MYRIP: variants seen among roughly 807,000 people sequenced by gnomAD.
MYRIP encodes the protein myosin VIIA and Rab interacting protein, also known as rab effector MyRIP.
MYRIP carries 49 observed loss-of-function variants against 98.0 expected under a neutral mutation model. The ratio of observed to expected loss-of-function variants is 0.50; its 90% CI spans 0.40 to 0.63. The LOEUF (loss-of-function observed/expected upper bound fraction) is 0.63. Among genes scored for constraint, MYRIP ranks in the 30% least tolerant of loss-of-function variants. The pLI is 0.00. For missense variants in MYRIP, 1,004 were observed against 1,058.2 expected, an observed-to-expected ratio of 0.95 and a Z score of 0.71; for synonymous variants, 404 against 409.5, an observed-to-expected ratio of 0.99 and a Z score of 0.16.
chr3:40,255,657 AGTT>A (rs982884711), intron 16 of MYRIP, among the ~76,000 whole-genome samples: 20 of 152,190 alleles, frequency 1.3e-4, no homozygotes, highest in Non-Finnish European at 4.4e-5. Context: ...AAAATAAAGT[AGTT>A]AAGTCATGAG....
intron 11 of MYRIP, among the ~76,000 whole-genome samples, chr3:40,214,907 G>A (rs2125674347): frequency 6.6e-6 from 1 of 152,304 alleles, no homozygotes; most frequent in East Asian, 1.9e-4. Flanking sequence ...CAGGGGCCAA[G>A]TCTCCCCAAA....
intron 9 of MYRIP, among the ~76,000 whole-genome samples, chr3:40,189,329 C>T (rs1022011133): frequency 1.5e-4 from 23 of 152,272 alleles, no homozygotes; most frequent in Admixed American, 7.8e-4. Context: ...GAGCCTATTA[C>T]GAAGTAGGAT....
intron 3 of MYRIP, among the ~76,000 whole-genome samples, chr3:40,135,081 C>T (rs919463061): frequency 1.3e-5 from 2 of 152,126 alleles, no homozygotes; most frequent in Admixed American, 6.5e-5. Context: ...GATCAAACTA[C>T]TCTGAGCTAC....
intron 7 of MYRIP, among the ~76,000 whole-genome samples, chr3:40,168,679 C>T (rs997696646): frequency 6.6e-6 from 1 of 152,242 alleles, no homozygotes. Context: ...ACATCAGCTG[C>T]CTGTGGCCAT....
chr3:39,821,931 C>A (rs1212553958), intron 1 of MYRIP, among the ~76,000 whole-genome samples: 1 of 152,010 alleles, frequency 6.6e-6, no homozygotes, highest in Non-Finnish European at 1.5e-5. Flanking sequence ...ATTAGCTGAA[C>A]TTAGTTAATT....
At chr3:40,058,891 G>A (rs961405829) in intron 3 of MYRIP, among the ~76,000 whole-genome samples, 2 of 151,944 alleles carry the variant, frequency 1.3e-5, no homozygotes, top group East Asian at 1.9e-4. Flanking sequence ...CCATCAACCC[G>A]TCATCTACAT....
chr3:40,114,678 T>C (rs1369550423), intron 3 of MYRIP, among the ~76,000 whole-genome samples: 3 of 152,172 alleles, frequency 2.0e-5, no homozygotes, highest in Non-Finnish European at 4.4e-5. Context: ...AATAAGTAAA[T>C]GCAAATTAAC....
At chr3:39,923,194 G>A (rs1379798549) in intron 2 of MYRIP, among the ~76,000 whole-genome samples, 2 of 152,004 alleles carry the variant, frequency 1.3e-5, no homozygotes. Flanking sequence ...AGAGCCTCAG[G>A]AAGCTATGGG....
intron 16 of MYRIP, among the ~76,000 whole-genome samples, chr3:40,254,099 G>T (rs768461284): frequency 5.3e-5 from 8 of 152,166 alleles, no homozygotes; most frequent in Non-Finnish European, 1.2e-4. Context: ...ATACAGAAAG[G>T]ACTGTTGGCT....
chr3:40,168,582 C>T (rs1046537165), intron 7 of MYRIP, among the ~76,000 whole-genome samples: 1 of 152,202 alleles, frequency 6.6e-6, no homozygotes, highest in African/African-American at 2.4e-5. Flanking sequence ...TTATTTATTG[C>T]TCACACATCT....
chr3:40,236,143 T>C (rs1482472790), intron 12 of MYRIP, among the ~76,000 whole-genome samples: 1 of 152,222 alleles, frequency 6.6e-6, no homozygotes, highest in Non-Finnish European at 1.5e-5. Flanking sequence ...GTTTCTATGT[T>C]TAGATACACA....
chr3:39,987,875 G>T (rs1418031262), intron 2 of MYRIP, among the ~76,000 whole-genome samples: 2 of 152,096 alleles, frequency 1.3e-5, no homozygotes, highest in African/African-American at 4.8e-5. Flanking sequence ...GTTTATTGTG[G>T]CACTATTCAC....
chr3:39,816,609 G>A (rs1210989737), intron 1 of MYRIP, among the ~76,000 whole-genome samples: 3 of 152,178 alleles, frequency 2.0e-5, no homozygotes, highest in Admixed American at 1.3e-4. Flanking sequence ...TTATCAAAGA[G>A]CGTTGATTTG....
intron 3 of MYRIP, among the ~76,000 whole-genome samples, chr3:40,103,746 C>A (rs1352973505): frequency 2.0e-5 from 3 of 150,978 alleles, no homozygotes; most frequent in Admixed American, 1.3e-4. Context: ...GCAACAAGAG[C>A]AAAACTCTGT....
rs142450900 is a variant in MYRIP, at chr3:40,209,992, G to A, written c.1804G>A (p.Gly602Arg). The A allele has an allele frequency of 3.8e-4, 621 of 1,613,966 alleles. 2 individuals carry two copies. The highest frequency in any genetic ancestry group is 4.9e-4 in the Non-Finnish European group (582 of 1,179,972). Residue 602 changes from glycine (G) to arginine (R), a missense_variant, in exon 11 of 17, where the codon GGG (glycine) becomes AGG (arginine). By Grantham distance (125) the Gly-to-Arg change is moderately radical. Coordinates refer to ENST00000302541, the MANE Select transcript of MYRIP (RefSeq NM_015460.4). The stretch of plus-strand genomic sequence containing the variant: ...AATGAGTGAAAAGGAGACTTCTTCA[G>A]GGGAGGATCAGGAGTCTGAGCCCAA... Reference protein sequence around the residue: ...MKMSEKETSSGEDQESEPKTE... With the variant: ...MKMSEKETSSREDQESEPKTE...
chr3:40,187,882 G>A (rs959887774), intron 9 of MYRIP, among the ~76,000 whole-genome samples: 14 of 152,232 alleles, frequency 9.2e-5, no homozygotes, highest in African/African-American at 3.4e-4. Context: ...ATTCCCACCA[G>A]TGGGATGAGG....
At chr3:39,852,088 C>T (rs562141374) in intron 1 of MYRIP, among the ~76,000 whole-genome samples, 25 of 152,126 alleles carry the variant, frequency 1.6e-4, no homozygotes, top group African/African-American at 5.5e-4. Context: ...AAGCATTAGA[C>T]AAAGGCATGA....
At chr3:40,077,853 G>T (rs1295242996) in intron 3 of MYRIP, among the ~76,000 whole-genome samples, 1 of 152,282 alleles carries the variant, frequency 6.6e-6, no homozygotes, top group Non-Finnish European at 1.5e-5. Flanking sequence ...TCACCCAGTG[G>T]ATCCCGCACC....
At chr3:40,098,976 T>A (rs1948888034) in intron 3 of MYRIP, among the ~76,000 whole-genome samples, 1 of 152,158 alleles carries the variant, frequency 6.6e-6, no homozygotes, top group Admixed American at 6.6e-5. Context: ...AGATCTCTTG[T>A]TTGTTTCATT....
Sources: gnomAD v4.1 joint callset for allele counts (sites outside exome capture counted in the v4.1 genomes callset) on GRCh38, gnomAD v4.1.1 for gene constraint, MANE v1.5 for transcripts, NCBI Gene and HGNC (gene_info 2026-07-23, HGNC 2026-07-21) for gene names.